The following PPIC variants were observed in gnomAD, a reference collection of about 807,000 sequenced individuals.
PPIC encodes peptidylprolyl isomerase C, also known as peptidyl-prolyl cis-trans isomerase C.
PPIC carries 19 observed loss-of-function variants against 19.5 expected under a neutral mutation model. The observed-to-expected ratio is 0.98, with a 90% CI of 0.68 to 1.43. The LOEUF is 1.43. Among genes scored for constraint, PPIC ranks in the 40% most tolerant of loss-of-function variants. The probability of loss-of-function intolerance (pLI) is 0.00; values close to 1 mark genes in which losing one functional copy is unlikely to be tolerated. For missense variants in PPIC, 268 were observed against 268.6 expected (o/e 1.00, Z 0.02); for synonymous variants, 107 against 101.2 (o/e 1.06, Z -0.34).
chr5:123,033,056 T>C (rs11241668), intron 1 of PPIC, among the ~76,000 whole-genome samples: 1 of 152,070 alleles, frequency 6.6e-6, no homozygotes, highest in South Asian at 2.1e-4. Context: ...TGAGCTGCGA[T>C]GTGGAAGAAA....
At position 123,036,622 on chromosome 5, in the gene PPIC, C is replaced by T. The variant is rs1317551093; in HGVS notation, c.4G>A (p.Gly2Ser). The change falls in exon 1 of 5, where the codon GGC becomes AGC. Residue 2 changes from glycine (G) to serine (S), a missense_variant. Transcript: ENST00000306442. The surrounding 1 kb of genome is among the most constrained non-coding windows in gnomAD (Gnocchi z 4.5). M[G>S]PGPRLLLPLV... ...GGTAGCAGCAGCCGAGGACCCGGGC[C>T]CATGGTGAGCGGTGGCAGCGGCGCT... The T allele has an allele frequency of 1.3e-5, 21 of 1,583,286 alleles. No individual in the cohort carries two copies. The highest frequency in any genetic ancestry group is 1.6e-5 in the Non-Finnish European group (19 of 1,166,372).
intron 2 of PPIC, 94 bp downstream of exon 2, chr5:123,029,211 A>G (rs1762908751): frequency 6.3e-6 from 10 of 1,599,990 alleles, no homozygotes; most frequent in Non-Finnish European, 8.5e-6. Flanking sequence ...TTCATCTGAC[A>G]TACTAATTTA....
At chr5:123,035,423 A>C (rs1355070550) in intron 1 of PPIC, among the ~76,000 whole-genome samples, 2 of 152,100 alleles carry the variant, frequency 1.3e-5, no homozygotes, top group Non-Finnish European at 2.9e-5. Context: ...AGCTTCTCGA[A>C]ACCATCAGGC....
At chr5:123,028,719 G>C (rs1019780417) in intron 3 of PPIC, 56 bp downstream of exon 3, 1 of 1,420,756 alleles carries the variant, frequency 7.0e-7, no homozygotes. Flanking sequence ...TCATATACTG[G>C]CTTAACCTTA....
intron 1 of PPIC, among the ~76,000 whole-genome samples, chr5:123,030,614 C>T (rs1762928860): frequency 6.6e-6 from 1 of 152,276 alleles, no homozygotes; most frequent in East Asian, 1.9e-4. Context: ...ACAATTTTTA[C>T]ATGGCCAAAG....
intron 1 of PPIC, among the ~76,000 whole-genome samples, chr5:123,035,398 T>TGGGA (rs1242220145): frequency 6.6e-6 from 1 of 152,128 alleles, no homozygotes; most frequent in Non-Finnish European, 1.5e-5. Flanking sequence ...ATCAAGAGGC[T>TGGGA]GGGAGTAAGA....
intron 3 of PPIC, among the ~76,000 whole-genome samples, chr5:123,027,053 G>A (rs950343651): frequency 1.3e-5 from 2 of 152,122 alleles, no homozygotes; most frequent in Admixed American, 1.3e-4. Context: ...AATCAGCCGG[G>A]CATGGTGGCG....
intron 4 of PPIC, 24 bp from the exon 5 acceptor site, chr5:123,024,027 T>C (rs1417843419): frequency 1.2e-5 from 19 of 1,609,176 alleles, no homozygotes; most frequent in Middle Eastern, 1.7e-4. Flanking sequence ...AGTAGACACA[T>C]GGTTTAATTC....
rs768438238 is a variant in PPIC, at chr5:123,025,931, G to A, written c.363C>T (p.Asn121=). 2 of 1,609,400 alleles carry A rather than the reference G, an allele frequency of 1.2e-6. No individual in the cohort carries two copies. Among genetic ancestry groups the A allele is most frequent in the Non-Finnish European group, 1.7e-6 (2 of 1,178,558 alleles). The change falls in exon 4 of 5, where the codon AAC becomes AAT. Residue 121 remains asparagine, a synonymous_variant. Transcript: ENST00000306442. The part of the protein sequence containing the change: ...SIYGETFPDE[N]FKLKHYGIGW... ...CAATGCCATAGTGCTTCAGCTTGAA[G>A]TTCTCATCTGGAAATGTCTCACCAT...
chr5:123,036,526 G>T lies in PPIC; in HGVS notation c.100C>A (p.Pro34Thr), dbSNP rs766141474. 65 of 1,606,580 alleles carry T rather than the reference G, an allele frequency of 4.0e-5. No individual in the cohort carries two copies. The African/African-American group carries it at 7.8e-4, about 19-fold the overall frequency. The change falls in exon 1 of 5, where the codon CCC (proline) becomes ACC (threonine). Residue 34 changes from proline to threonine, a missense_variant. Coordinates refer to ENST00000306442, the MANE Select transcript of PPIC (RefSeq NM_000943.5). The surrounding 1 kb of genome is among the most constrained non-coding windows in gnomAD (Gnocchi z 4.5). ...TCGGTCACCTTGGCCGTCACCGAGGGGCCTCGCTTGCGGAAGCCCTCGGCC... is the reference window on the plus strand; with the variant it reads ...TCGGTCACCTTGGCCGTCACCGAGGTGCCTCGCTTGCGGAAGCCCTCGGCC... ...SGAEGFRKRGPSVTAKVFFDV... is the reference protein window; with the variant it reads ...SGAEGFRKRGTSVTAKVFFDV...
At chr5:123,028,705 G>A in intron 3 of PPIC, 70 bp downstream of exon 3, 2 of 1,237,112 alleles carry the variant, frequency 1.6e-6, no homozygotes, top group South Asian at 2.7e-5. Flanking sequence ...TCAACAGACT[G>A]GGTTCATATA....
chr5:123,023,424 T>C lies in PPIC; in HGVS notation c.*451A>G, dbSNP rs1762792555. 6.6e-6 allele frequency: 1 copy of C among 152,616 alleles called. No individual in the cohort carries two copies. Among genetic ancestry groups the C allele is most frequent in the South Asian group, 2.1e-4 (1 of 4,836 alleles). The allele number at this position is 152,616 out of a possible 1,614,324, so 9.5% of individuals were successfully genotyped here. ...TAATATAAAGAACAGCAAAGCACCC[T>C]TTTGTCAGAAAGAAATCCCTATGAC... On this transcript the variant is annotated 3_prime_UTR_variant, in exon 5 of 5. Coordinates refer to ENST00000306442, the MANE Select transcript of PPIC (RefSeq NM_000943.5).
At chr5:123,025,991 G>A (rs371088099) in intron 3 of PPIC, 23 bp from the exon 4 acceptor site, 4 of 1,561,680 alleles carry the variant, frequency 2.6e-6, no homozygotes, top group Non-Finnish European at 3.5e-6. Flanking sequence ...AAGGAAGAAA[G>A]TCAACAGATG....
chr5:123,025,749 TAA>T, intron 4 of PPIC, 33 bp downstream of exon 4: 1 of 1,584,352 alleles, frequency 6.3e-7, no homozygotes, highest in Non-Finnish European at 8.6e-7. Flanking sequence ...AATAAAAATA[TAA>T]AGCTTTGAAA....
At chr5:123,024,416 C>T (rs1251580751) in intron 4 of PPIC, among the ~76,000 whole-genome samples, 1 of 152,190 alleles carries the variant, frequency 6.6e-6, no homozygotes, top group Non-Finnish European at 1.5e-5. Flanking sequence ...AATAGGTCTT[C>T]ACATGTATGG....
At chr5:123,024,666 C>T (rs781137589) in intron 4 of PPIC, among the ~76,000 whole-genome samples, 5 of 152,212 alleles carry the variant, frequency 3.3e-5, no homozygotes, top group African/African-American at 1.2e-4. Flanking sequence ...GTTTCCCAGA[C>T]AGCATTGAGG....
chr5:123,032,816 G>A (rs1762960194), intron 1 of PPIC, among the ~76,000 whole-genome samples: 1 of 152,198 alleles, frequency 6.6e-6, no homozygotes, highest in South Asian at 2.1e-4. Flanking sequence ...ATAAGTGTGG[G>A]CTTCCTGGGA....
rs377309797 is a variant in PPIC, at chr5:123,030,741, C to T, written c.118-1323G>A. Among the ~76,000 whole-genome samples, 62 of 152,294 alleles carry T rather than the reference C, an allele frequency of 4.1e-4. 1 individual carries two copies. The East Asian group carries it at 8.9e-3, about 22-fold the overall frequency. ...TGGGATAGGAAGGTGCTTCAACACA[C>T]CCATGGGCCTGGTCAGTGCAGAGCC... On this transcript the variant is annotated intron_variant, in intron 1 of 4. Coordinates refer to ENST00000306442, the MANE Select transcript of PPIC (RefSeq NM_000943.5).
In PPIC at chr5:123,029,464, G is replaced by T. The variant is rs200231952; in HGVS notation, c.118-46C>A. On this transcript the variant is annotated intron_variant, in intron 1 of 4. Transcript: ENST00000306442. Reference sequence around the variant, plus strand: ...AAGTGGAAGGTTATAAGGTGGAAAAGCACAAATACAAGGTAAGTCAAAATT... The same window carrying T: ...AAGTGGAAGGTTATAAGGTGGAAAATCACAAATACAAGGTAAGTCAAAATT... The T allele has an allele frequency of 3.9e-5, 59 of 1,502,702 alleles. No homozygotes were observed. The East Asian group carries it at 1.4e-3, about 35-fold the overall frequency. 93.1% of individuals were successfully genotyped at this position (1,502,702 alleles called of 1,614,324 possible).
Sources: allele counts gnomAD v4.1 joint callset (sites outside exome capture counted in the v4.1 genomes callset), GRCh38; gene constraint gnomAD v4.1.1; non-coding constraint Gnocchi (gnomAD v3.1); transcripts MANE v1.5; gene names NCBI Gene and HGNC (gene_info 2026-07-23, HGNC 2026-07-21).